The following PRMT2 variants were observed in gnomAD, a reference collection of about 807,000 sequenced individuals.
PRMT2 encodes the protein protein arginine methyltransferase 2, also known as protein arginine N-methyltransferase 2.
PRMT2 carries 26 observed loss-of-function variants against 57.6 expected under a neutral mutation model. The ratio of observed to expected loss-of-function variants is 0.45; its 90% CI spans 0.33 to 0.63. The LOEUF (loss-of-function observed/expected upper bound fraction) is 0.63. Among genes scored for constraint, PRMT2 ranks in the 20% least tolerant of loss-of-function variants. PRMT2 has a pLI of 0.02. For missense variants in PRMT2, 472 were observed against 564.4 expected, an observed-to-expected ratio of 0.84 and a Z score of 1.66; for synonymous variants, 219 against 220.0, an observed-to-expected ratio of 1.00 and a Z score of 0.04.
At position 46,651,850 on chromosome 21, in the gene PRMT2, G is replaced by A. The variant is rs552985315; in HGVS notation, c.654+2111G>A. Reference sequence around the variant, plus strand: ...GCCGCATTCTCCCCTGCACCTGTGCGTCTGGCCCTCTTCACGTCCTCCTGG... The same window carrying A: ...GCCGCATTCTCCCCTGCACCTGTGCATCTGGCCCTCTTCACGTCCTCCTGG... On this transcript the variant is annotated intron_variant, in intron 7 of 11. Coordinates refer to ENST00000355680, the MANE Select transcript of PRMT2 (RefSeq NM_206962.4). 52 of 1,612,954 alleles carry A rather than the reference G, an allele frequency of 3.2e-5. No homozygotes were observed. In the East Asian group the frequency reaches 4.9e-4, roughly 15 times the overall value.
At chr21:46,660,517 G>A (rs769760640) in intron 8 of PRMT2, among the ~76,000 whole-genome samples, 4 of 152,238 alleles carry the variant, frequency 2.6e-5, no homozygotes, top group Admixed American at 6.5e-5. Context: ...AGGGGTGAGC[G>A]TTGGTTTCCG....
chr21:46,636,045 C>G (rs1001979586), intron 1 of PRMT2: 1 of 153,140 alleles, frequency 6.5e-6, no homozygotes, highest in Non-Finnish European at 1.5e-5. Flanking sequence ...TCTGTCACGC[C>G]CTTCGCGGCC....
At chr21:46,658,693 G>A in intron 7 of PRMT2, 52 bp from the exon 8 acceptor site, 1 of 1,592,794 alleles carries the variant, frequency 6.3e-7, no homozygotes, top group Admixed American at 1.7e-5. Flanking sequence ...AGAGGCCTGT[G>A]CAGCCGCGGG....
chr21:46,652,250 A>T, intron 7 of PRMT2: 4 of 1,354,878 alleles, frequency 3.0e-6, no homozygotes, highest in Non-Finnish European at 3.8e-6. Flanking sequence ...ATTTGTTGTT[A>T]GGATGGGAAA....
Position 46,648,823 on chromosome 21 carries a change from G to A in PRMT2, c.489+204G>A, listed in dbSNP as rs771432807. On this transcript the variant is annotated intron_variant, in intron 6 of 11. Transcript: ENST00000355680. The surrounding 1 kb of genome is among the most constrained non-coding windows in gnomAD (Gnocchi z 4.8). Reference sequence around the variant, plus strand: ...CCGCGTGCTAGAGGCCGTGGCGCCCGCGTACAATGAGTCGCAGACAGCACA... The same window carrying A: ...CCGCGTGCTAGAGGCCGTGGCGCCCACGTACAATGAGTCGCAGACAGCACA... 4.6e-5 allele frequency among the ~76,000 whole-genome samples: 7 copies of A among 152,222 alleles called. No individual in the cohort carries two copies. Among genetic ancestry groups the A allele is most frequent in the Non-Finnish European group, 7.3e-5 (5 of 68,030 alleles).
chr21:46,653,921 CT>C (rs778212248), intron 7 of PRMT2: 48 of 1,008,228 alleles, frequency 4.8e-5, no homozygotes, highest in Middle Eastern at 5.0e-4. Context: ...AAATGACAGC[CT>C]TTTTTCTTTT....
At chr21:46,652,628 C>T (rs1414701622) in intron 7 of PRMT2, 3 of 984,926 alleles carry the variant, frequency 3.0e-6, no homozygotes, top group Non-Finnish European at 3.6e-6. Context: ...CCGCCATGCC[C>T]TTTTTTTGGC....
rs757319844 is a variant in PRMT2 at position 46,658,869 on chromosome 21, G to C, written c.779G>C (p.Ser260Thr). The change falls in exon 8 of 12, where the codon AGC (serine) becomes ACC (threonine). Residue 260 changes from serine (S) to threonine (T), a missense_variant. Around this residue, in one of 2 missense-constraint regions of PRMT2, gnomAD observed 243 missense variants for 347.2 expected, o/e 0.70. Coordinates refer to ENST00000355680, the MANE Select transcript of PRMT2 (RefSeq NM_206962.4). ...TGCAGTGCTGATAAGGATTATCGTA[G>C]CAAGGTGCTCTTCTGGGACAACGCG... ...VPCSADKDYR[S>T]KVLFWDNAYE... is the part of the protein sequence containing the mutation. 5.6e-6 allele frequency: 9 copies of C among 1,614,084 alleles called. No homozygotes were observed. The Admixed American group carries it at 6.7e-5, about 12-fold the overall frequency.
At chr21:46,646,013 C>T (rs557734894) in intron 5 of PRMT2, among the ~76,000 whole-genome samples, 6 of 152,224 alleles carry the variant, frequency 3.9e-5, no homozygotes, top group East Asian at 3.9e-4. Context: ...TGCGCCCGGC[C>T]GGAAGGTACT....
At chr21:46,638,417 A>C (rs1029876432) in intron 3 of PRMT2, among the ~76,000 whole-genome samples, 1 of 152,204 alleles carries the variant, frequency 6.6e-6, no homozygotes, top group African/African-American at 2.4e-5. Context: ...TGGACACTTA[A>C]ATTGTTTCTA....
chr21:46,659,182 T>A (rs1267436629), intron 8 of PRMT2: 20 of 1,204,746 alleles, frequency 1.7e-5, no homozygotes, highest in Non-Finnish European at 2.1e-5. Flanking sequence ...TAGGAGGGAG[T>A]GAGGGCCAAG....
chr21:46,648,441 A>G lies in PRMT2; in HGVS notation c.328-17A>G, dbSNP rs201260190. ...TCTAGGTCACAGGCAGTGATTCTGA[A>G]TGTGCATTTCTTCCAGAAACTCCAC... On this transcript the variant is annotated splice_polypyrimidine_tract_variant and intron_variant, in intron 5 of 11. Transcript: ENST00000355680. The surrounding 1 kb of genome is among the most constrained non-coding windows in gnomAD (Gnocchi z 4.8). 6.2e-7 allele frequency: 1 copy of G among 1,613,354 alleles called. No homozygotes were observed. The highest frequency in any genetic ancestry group is 2.2e-5 in the East Asian group (1 of 44,856).
Position 46,646,773 on chromosome 21 carries a change from GC to G in PRMT2, c.328-1682del, listed in dbSNP as rs145140979. 2.5e-3 allele frequency among the ~76,000 whole-genome samples: 374 copies of G among 152,176 alleles called. 2 individuals carry two copies. Among genetic ancestry groups the G allele is most frequent in the Non-Finnish European group, 3.6e-3 (247 of 67,990 alleles). On this transcript the variant is annotated intron_variant, in intron 5 of 11. Coordinates refer to ENST00000355680, the MANE Select transcript of PRMT2 (RefSeq NM_206962.4). Reference sequence around the variant, plus strand: ...TTCCTTAAGTGGATCTTGCCAGTTCGCCCTCCAGAAAGATTTGCTAATTATA... The same window carrying G: ...TTCCTTAAGTGGATCTTGCCAGTTCGCCTCCAGAAAGATTTGCTAATTATA...
rs1231832391 is a variant in PRMT2, at chr21:46,635,687, C to G, written c.-242C>G. On this transcript the variant is annotated 5_prime_UTR_variant, in exon 1 of 12. Transcript: ENST00000355680. ...CTTGCGCGGGTTGAGGGCGGTGGCT[C>G]AGGCTCCTGGAAAGGACCGTCCACC... 2.6e-5 allele frequency: 4 copies of G among 152,494 alleles called. No homozygotes were observed. Among genetic ancestry groups the G allele is most frequent in the Admixed American group, 1.3e-4 (2 of 15,290 alleles). The allele number at this position is 152,494 out of a possible 1,614,324, so 9.4% of individuals were successfully genotyped here. A position where few individuals can be genotyped will look rare whatever the true frequency, so the allele number is the denominator to read the frequency against.
At chr21:46,650,727 G>C (rs2061437143) in intron 7 of PRMT2, among the ~76,000 whole-genome samples, 1 of 152,210 alleles carries the variant, frequency 6.6e-6, no homozygotes, top group South Asian at 2.1e-4. Context: ...GTGAGGCCAA[G>C]GTTGTGTGGG....
chr21:46,636,908 A>T lies in PRMT2; in HGVS notation c.-44A>T. ...TTTTTAAAAGTAGAAATGGAAAAGA[A>T]AATGAAATAAATCAGCAGTTATGAG... On this transcript the variant is annotated 5_prime_UTR_variant, in exon 3 of 12. It introduces an in-frame stop codon into an upstream open reading frame of the 5' UTR. Coordinates refer to ENST00000355680, the MANE Select transcript of PRMT2 (RefSeq NM_206962.4). 1 of 1,590,522 alleles carries T rather than the reference A, an allele frequency of 6.3e-7. No homozygotes were observed. The highest frequency in any genetic ancestry group is 1.1e-5 in the South Asian group (1 of 88,226).
At chr21:46,642,742 G>A (rs8130987) in intron 3 of PRMT2, among the ~76,000 whole-genome samples, 113,636 of 152,170 alleles carry the variant, frequency 0.75, 42,640 homozygotes, top group East Asian at 0.9. Context: ...AAAGTGAACG[G>A]CCAGGCATGG....
chr21:46,651,882 G>C, intron 7 of PRMT2: 1 of 1,613,102 alleles, frequency 6.2e-7, no homozygotes, highest in Non-Finnish European at 8.5e-7. Context: ...CTGGCCTGCT[G>C]TCTGCCTCTC....
intron 3 of PRMT2, among the ~76,000 whole-genome samples, chr21:46,641,421 C>G (rs796754863): frequency 6.6e-5 from 10 of 152,280 alleles, no homozygotes; most frequent in African/African-American, 1.9e-4. Context: ...GGCGTGGTGG[C>G]CCACGCCTGT....
Sources: allele counts gnomAD v4.1 joint callset (sites outside exome capture counted in the v4.1 genomes callset), GRCh38; gene constraint gnomAD v4.1.1; regional missense constraint gnomAD v4.1.1; non-coding constraint Gnocchi (gnomAD v3.1); transcripts MANE v1.5; gene names NCBI Gene and HGNC (gene_info 2026-07-23, HGNC 2026-07-21).